Variants in ZFAND3 observed in about 807,000 individuals in gnomAD.
ZFAND3 encodes zinc finger AN1-type containing 3, also known as AN1-type zinc finger protein 3.
In ZFAND3, 10 loss-of-function variants were observed where a neutral mutation model predicts 29.6. The ratio of observed to expected loss-of-function variants is 0.34; its 90% CI spans 0.21 to 0.57. The LOEUF (loss-of-function observed/expected upper bound fraction) is 0.57, where lower values mean the gene tolerates loss of function less well. Among genes scored for constraint, ZFAND3 ranks in the 20% least tolerant of loss-of-function variants. The pLI, the probability that ZFAND3 is intolerant of heterozygous loss-of-function variation, is 0.86. For missense variants in ZFAND3, 230 were observed against 304.5 expected, an observed-to-expected ratio of 0.76 and a Z score of 1.82; for synonymous variants, 128 against 112.6, an observed-to-expected ratio of 1.14 and a Z score of -0.87.
intron 1 of ZFAND3, among the ~76,000 whole-genome samples, chr6:37,898,860 T>C (rs1765265790): frequency 6.6e-6 from 1 of 152,042 alleles, no homozygotes. Context: ...TACCCAGTCA[T>C]GTTATGTATG....
chr6:37,908,759 AAG>A (rs1256062875), intron 1 of ZFAND3, among the ~76,000 whole-genome samples: 2 of 150,620 alleles, frequency 1.3e-5, no homozygotes, highest in African/African-American at 4.9e-5. Context: ...AAAAAAAAAA[AAG>A]AAAAGTTTGA....
intron 5 of ZFAND3, among the ~76,000 whole-genome samples, chr6:38,137,852 T>G (rs1208923882): frequency 1.3e-5 from 2 of 152,080 alleles, no homozygotes; most frequent in Non-Finnish European, 2.9e-5. Context: ...AAGAGAAAGC[T>G]GGCCAGCCCG....
At chr6:38,133,345 C>T (rs1402924590) in intron 5 of ZFAND3, among the ~76,000 whole-genome samples, 1 of 152,114 alleles carries the variant, frequency 6.6e-6, no homozygotes, top group Non-Finnish European at 1.5e-5. Context: ...GAGATCCCTG[C>T]GTCTTGCAGT....
chr6:37,935,079 A>G (rs1020644878), intron 2 of ZFAND3, among the ~76,000 whole-genome samples: 1 of 152,164 alleles, frequency 6.6e-6, no homozygotes, highest in Non-Finnish European at 1.5e-5. Flanking sequence ...TGGAGTTTGC[A>G]TAAGGACCTT....
chr6:38,070,349 G>A (rs888788697), intron 3 of ZFAND3, among the ~76,000 whole-genome samples: 8 of 151,230 alleles, frequency 5.3e-5, no homozygotes, highest in African/African-American at 1.2e-4. Context: ...GCTTGAACCC[G>A]AGAGGCGAAG....
intron 1 of ZFAND3, among the ~76,000 whole-genome samples, chr6:37,847,363 C>T (rs1462963548): frequency 6.6e-6 from 1 of 152,152 alleles, no homozygotes; most frequent in East Asian, 1.9e-4. Flanking sequence ...ATCACGAGGT[C>T]AGGAGATCGA....
chr6:37,948,083 G>C (rs1055573090), intron 2 of ZFAND3, among the ~76,000 whole-genome samples: 1 of 152,180 alleles, frequency 6.6e-6, no homozygotes, highest in African/African-American at 2.4e-5. Flanking sequence ...TGCTGTTGTT[G>C]AGTAGTGTGT....
intron 1 of ZFAND3, among the ~76,000 whole-genome samples, chr6:37,896,562 C>CT (rs778644444): frequency 5.2e-5 from 7 of 135,326 alleles, no homozygotes; most frequent in African/African-American, 8.5e-5. Context: ...TTCTTTCTTT[C>CT]TTTCTTTCTC....
chr6:37,824,192 A>C (rs555889616), intron 1 of ZFAND3, among the ~76,000 whole-genome samples: 1 of 152,242 alleles, frequency 6.6e-6, no homozygotes, highest in Non-Finnish European at 1.5e-5. Context: ...TTTAGTACTC[A>C]GGCAAAAAAC....
chr6:37,964,096 C>A (rs1762249648), intron 2 of ZFAND3, among the ~76,000 whole-genome samples: 1 of 152,140 alleles, frequency 6.6e-6, no homozygotes, highest in African/African-American at 2.4e-5. Flanking sequence ...CCTTGTCCTC[C>A]CTTCTCCTAA....
intron 2 of ZFAND3, among the ~76,000 whole-genome samples, chr6:38,014,640 T>C (rs1360880972): frequency 6.6e-6 from 1 of 152,216 alleles, no homozygotes; most frequent in African/African-American, 2.4e-5. Flanking sequence ...GATTTTTGTT[T>C]TTAATTTTTA....
At chr6:37,992,352 G>C (rs1762773415) in intron 2 of ZFAND3, among the ~76,000 whole-genome samples, 1 of 152,160 alleles carries the variant, frequency 6.6e-6, no homozygotes, top group Non-Finnish European at 1.5e-5. Context: ...TAAATGAAAA[G>C]AGTGGAGCTC....
At chr6:38,059,681 C>T (rs1764197414) in intron 2 of ZFAND3, among the ~76,000 whole-genome samples, 1 of 152,076 alleles carries the variant, frequency 6.6e-6, no homozygotes, top group African/African-American at 2.4e-5. Flanking sequence ...AGTTGGAGAC[C>T]AGCCTGGCCA....
chr6:38,132,239 C>T (rs747586343), intron 5 of ZFAND3, among the ~76,000 whole-genome samples: 2 of 152,048 alleles, frequency 1.3e-5, no homozygotes, highest in Non-Finnish European at 2.9e-5. Flanking sequence ...GGGCTGGGTG[C>T]GGTGGCTCAC....
rs921013167 is a variant in ZFAND3, at chr6:38,152,742, T to C, written c.*353T>C. 19 of 1,009,260 alleles carry C rather than the reference T, an allele frequency of 1.9e-5. No individual in the cohort carries two copies. Among genetic ancestry groups the C allele is most frequent in the Non-Finnish European group, 2.0e-5 (17 of 845,990 alleles). 62.5% of individuals were successfully genotyped at this position (1,009,260 alleles called of 1,614,324 possible). ...GTTCCAGACGGAGACTCTGAGTTAA[T>C]AGAGGAGTAGAAGCTGGTGTTAAAG... On this transcript the variant is annotated 3_prime_UTR_variant, in exon 6 of 6. Transcript: ENST00000287218.
intron 2 of ZFAND3, among the ~76,000 whole-genome samples, chr6:37,939,723 C>T (rs537556764): frequency 6.6e-6 from 1 of 152,162 alleles, no homozygotes; most frequent in Non-Finnish European, 1.5e-5. Context: ...TGTAATTAGA[C>T]GACCCTCTGT....
chr6:38,088,665 T>C (rs1764803710), intron 4 of ZFAND3, among the ~76,000 whole-genome samples: 1 of 152,230 alleles, frequency 6.6e-6, no homozygotes, highest in Admixed American at 6.5e-5. Flanking sequence ...GTCAACAGAC[T>C]TTTGCTCCGC....
chr6:38,096,906 G>A (rs895389926), intron 4 of ZFAND3, among the ~76,000 whole-genome samples: 1 of 151,870 alleles, frequency 6.6e-6, no homozygotes. Context: ...ATATTCATTA[G>A]CGGTTAGATT....
chr6:37,958,998 C>A (rs1762150034), intron 2 of ZFAND3, among the ~76,000 whole-genome samples: 1 of 152,170 alleles, frequency 6.6e-6, no homozygotes, highest in African/African-American at 2.4e-5. Context: ...CAACATCTTT[C>A]CTCTGGGTCA....
Sources: allele counts gnomAD v4.1 joint callset (sites outside exome capture counted in the v4.1 genomes callset), GRCh38; gene constraint gnomAD v4.1.1; transcripts MANE v1.5; gene names NCBI Gene and HGNC (gene_info 2026-07-23, HGNC 2026-07-21).